NOL8: variants seen among roughly 807,000 people sequenced by gnomAD.
NOL8 encodes the protein nucleolar protein 8.
In NOL8, 93 loss-of-function variants were observed where a neutral mutation model predicts 116.1. That is an observed-to-expected ratio of 0.80 (90% CI 0.68 to 0.95). The LOEUF is 0.95. Among genes scored for constraint, NOL8 ranks in the 40% least tolerant of loss-of-function variants. The probability of loss-of-function intolerance (pLI) is 0.00; values close to 1 mark genes in which losing one functional copy is unlikely to be tolerated. For synonymous variants in NOL8, 419 were observed against 469.0 expected (o/e 0.89, Z 1.38); for missense variants, 1,291 against 1,382.8 (o/e 0.93, Z 1.05).
rs1165179534 is a variant in NOL8, at chr9:92,314,836, T to C, written c.1789A>G (p.Asn597Asp). 5.0e-6 allele frequency: 8 copies of C among 1,613,360 alleles called. No individual in the cohort carries two copies. Among genetic ancestry groups the C allele is most frequent in the Middle Eastern group, 1.6e-4 (1 of 6,062 alleles). The change falls in exon 7 of 17, where the codon AAT (asparagine) becomes GAT (aspartate). Residue 597 changes from asparagine to aspartate, a missense_variant. By Grantham distance (23) the Asn-to-Asp change is conservative. Coordinates refer to ENST00000442668, the MANE Select transcript of NOL8 (RefSeq NM_017948.6). ...KSLKDSVASN[N>D]KDQNSMKHED... ...TGTTTCATGGAATTCTGATCTTTAT[T>C]GTTAGAGGCAACACTGTCTTTCAAG... is the stretch of plus-strand genomic sequence containing the variant.
chr9:92,306,924 A>C lies in NOL8; in HGVS notation c.2787T>G (p.Asn929Lys), dbSNP rs1838317694. The change falls in exon 11 of 17, where the codon AAT becomes AAG. Residue 929 changes from asparagine (N) to lysine (K), a missense_variant. Transcript: ENST00000442668. Reference protein sequence around the residue: ...VQSVLQINLSNSTNRGSVAAK... With the variant: ...VQSVLQINLSKSTNRGSVAAK... The stretch of plus-strand genomic sequence containing the variant: ...CAGCTACTGATCCTCTGTTTGTAGA[A>C]TTGCTTAAGTTGATTTGCAAAACAC... The C allele has an allele frequency of 1.2e-6, 2 of 1,613,248 alleles. No homozygotes were observed. The highest frequency in any genetic ancestry group is 1.7e-5 in the Admixed American group (1 of 59,996).
In NOL8 at chr9:92,297,937, G is replaced by A. The variant is rs1003646078; in HGVS notation, c.3454-51C>T. The A allele has an allele frequency of 1.0e-5, 15 of 1,435,770 alleles. No homozygotes were observed. In the African/African-American group the frequency reaches 1.1e-4, roughly 11 times the overall value. 88.9% of individuals were successfully genotyped at this position (1,435,770 alleles called of 1,614,324 possible). A position where few individuals can be genotyped will look rare whatever the true frequency, so the allele number is the denominator to read the frequency against. ...GCAATAAACAAATTGTTTTTAAGAT[G>A]TTCAGTAGATAGAAGTAAAACAGGT... On this transcript the variant is annotated intron_variant, in intron 16 of 16. Transcript: ENST00000442668.
chr9:92,315,657 T>G lies in NOL8; in HGVS notation c.968A>C (p.Gln323Pro). ...ACTTTCAGATTCATTTATTGAGGGTTGTGTAGTTCTCTGTAAGTTTTCCTC... is the reference window on the plus strand; with the variant it reads ...ACTTTCAGATTCATTTATTGAGGGTGGTGTAGTTCTCTGTAAGTTTTCCTC... ...AKEENLQRTT[Q>P]PSINESESDP... Residue 323 changes from glutamine to proline, a missense_variant, in exon 7 of 17, where the codon CAA becomes CCA. Gln to Pro is a moderately conservative substitution (Grantham distance 76, BLOSUM62 -1). Coordinates refer to ENST00000442668, the MANE Select transcript of NOL8 (RefSeq NM_017948.6). 6.2e-7 allele frequency: 1 copy of G among 1,613,026 alleles called. No homozygotes were observed. The highest frequency in any genetic ancestry group is 8.5e-7 in the Non-Finnish European group (1 of 1,179,416).
At chr9:92,299,785 G>T in intron 14 of NOL8, 105 bp downstream of exon 14, 6 of 1,165,584 alleles carry the variant, frequency 5.1e-6, no homozygotes, top group Non-Finnish European at 7.3e-6. Context: ...AAGAAGCTAA[G>T]ACAATTTAGT....
chr9:92,312,785 C>T (rs933342075), intron 7 of NOL8, among the ~76,000 whole-genome samples: 1 of 144,890 alleles, frequency 6.9e-6, no homozygotes, highest in Admixed American at 7.1e-5. Flanking sequence ...CGAGATCACA[C>T]CATTGTACTC....
chr9:92,316,648 A>G (rs1839438759), intron 6 of NOL8, among the ~76,000 whole-genome samples: 1 of 152,106 alleles, frequency 6.6e-6, no homozygotes, highest in Non-Finnish European at 1.5e-5. Context: ...TCTCTGCAAC[A>G]TTTTTAGGTC....
chr9:92,310,928 G>A (rs779621281), intron 8 of NOL8: 12 of 572,492 alleles, frequency 2.1e-5, no homozygotes, highest in East Asian at 1.2e-4. Context: ...TTTTTGTAGC[G>A]TTTCACTAAT....
intron 7 of NOL8, among the ~76,000 whole-genome samples, chr9:92,311,591 C>G (rs1269779015): frequency 2.0e-5 from 3 of 151,702 alleles, no homozygotes; most frequent in Non-Finnish European, 4.4e-5. Context: ...AACAAGCATA[C>G]AAAAAAAATG....
At chr9:92,319,037 G>T in intron 5 of NOL8, 184 bp downstream of exon 5, 1 of 577,654 alleles carries the variant, frequency 1.7e-6, no homozygotes, top group Non-Finnish European at 2.8e-6. Context: ...GTAAAATGAT[G>T]GAGAACTATG....
In NOL8 at chr9:92,300,148, T is replaced by C. The variant is rs1344848340; in HGVS notation, c.3176-132A>G. On this transcript the variant is annotated intron_variant, in intron 13 of 16. Transcript: ENST00000442668. ...CAATATGTTAATCATTAATTTAAAA[T>C]AGTATCAAAAAAATAGGTAGTATCA... The C allele has an allele frequency of 2.2e-6, 3 of 1,374,924 alleles. No homozygotes were observed. The East Asian group carries it at 7.9e-5, about 36-fold the overall frequency. 85.2% of individuals were successfully genotyped at this position (1,374,924 alleles called of 1,614,324 possible).
rs1019797730 is a variant in NOL8, at chr9:92,310,388, T to G, written c.2596-127A>C. ...ACATTAAGATGTTTGCCTACCTCCA[T>G]CTACTTATGAACCAATCAGAGAGGA... On this transcript the variant is annotated intron_variant, in intron 9 of 16. Coordinates refer to ENST00000442668, the MANE Select transcript of NOL8 (RefSeq NM_017948.6). 4 of 1,153,622 alleles carry G rather than the reference T, an allele frequency of 3.5e-6. No homozygotes were observed. The African/African-American group carries it at 6.1e-5, about 18-fold the overall frequency. 71.5% of individuals were successfully genotyped at this position (1,153,622 alleles called of 1,614,324 possible).
Position 92,314,640 on chromosome 9 carries a change from C to T in NOL8, c.1985G>A (p.Ser662Asn). 1 of 1,613,352 alleles carries T rather than the reference C, an allele frequency of 6.2e-7. No individual in the cohort carries two copies. Among genetic ancestry groups the T allele is most frequent in the Admixed American group, 1.7e-5 (1 of 59,924 alleles). ...ATTCTTACTTCTCTTTTCAGAACTG[C>T]TAGGGGACACTGCCTTGCGATCCTG... ...ESQDRKAVSPSSSEKRSKNPI... is the reference protein window; with the variant it reads ...ESQDRKAVSPNSSEKRSKNPI... The change falls in exon 7 of 17, where the codon AGC becomes AAC. Residue 662 changes from serine (S) to asparagine (N), a missense_variant. By Grantham distance (46) the Ser-to-Asn change is conservative. Coordinates refer to ENST00000442668, the MANE Select transcript of NOL8 (RefSeq NM_017948.6).
At chr9:92,321,940 G>C (rs764856595) in intron 3 of NOL8, among the ~76,000 whole-genome samples, 194 bp from the exon 4 acceptor site, 1 of 152,178 alleles carries the variant, frequency 6.6e-6, no homozygotes, top group Non-Finnish European at 1.5e-5. Flanking sequence ...CTTACCAAAA[G>C]AGTCTTTACA....
At chr9:92,312,937 C>T (rs1264465762) in intron 7 of NOL8, among the ~76,000 whole-genome samples, 1 of 151,658 alleles carries the variant, frequency 6.6e-6, no homozygotes, top group Non-Finnish European at 1.5e-5. Flanking sequence ...CACAGCTTAC[C>T]CATGTAACAA....
intron 1 of NOL8, chr9:92,324,744 A>G (rs1412034854): frequency 6.6e-6 from 1 of 152,228 alleles, no homozygotes; most frequent in African/African-American, 2.4e-5. Context: ...ATATTATGTC[A>G]CAATAAAAGT....
intron 12 of NOL8, among the ~76,000 whole-genome samples, chr9:92,303,724 G>A (rs1837964849): frequency 6.6e-6 from 1 of 152,220 alleles, no homozygotes; most frequent in Non-Finnish European, 1.5e-5. Context: ...AGGACCACTT[G>A]AGCCCAGGAG....
chr9:92,303,494 T>C (rs530155604), intron 12 of NOL8, among the ~76,000 whole-genome samples: 11 of 152,336 alleles, frequency 7.2e-5, no homozygotes, highest in African/African-American at 2.4e-4. Context: ...TGCTTTTCTT[T>C]TACAAAGGTA....
At chr9:92,320,131 T>C (rs1192848305) in intron 4 of NOL8, 2 of 456,018 alleles carry the variant, frequency 4.4e-6, no homozygotes, top group African/African-American at 2.0e-5. Flanking sequence ...TGATTATCCA[T>C]ATCCTCCTAA....
rs141008537 is a variant in NOL8 at position 92,314,606 on chromosome 9, A to G, written c.2019T>C (p.Ser673=). Residue 673 remains serine, a synonymous_variant, in exon 7 of 17, where the codon TCT becomes TCC. Transcript: ENST00000442668. ...SSEKRSKNPI[S]RPLEGKKSLS... ...AGGACTTCTTACCTTCTAATGGCCT[A>G]GAAATAGGATTCTTACTTCTCTTTT... is the stretch of plus-strand genomic sequence containing the variant. 252 of 1,612,864 alleles carry G rather than the reference A, an allele frequency of 1.6e-4. 1 individual carries two copies. The African/African-American group carries it at 2.7e-3, about 17-fold the overall frequency.
Sources: allele counts gnomAD v4.1 joint callset (sites outside exome capture counted in the v4.1 genomes callset), GRCh38; gene constraint gnomAD v4.1.1; transcripts MANE v1.5; gene names NCBI Gene and HGNC (gene_info 2026-07-23, HGNC 2026-07-21).